SLC13A1: variants seen among roughly 807,000 people sequenced by gnomAD.
The protein encoded by SLC13A1 is Na(+)/sulfate cotransporter.
In SLC13A1, 65 loss-of-function variants were observed where a neutral mutation model predicts 70.0. That is an observed-to-expected ratio of 0.93 (90% CI 0.76 to 1.14). SLC13A1 has a LOEUF of 1.14. Among genes scored for constraint, SLC13A1 ranks in the 50% most tolerant of loss-of-function variants. The pLI, the probability that SLC13A1 is intolerant of heterozygous loss-of-function variation, is 0.00. For missense variants in SLC13A1, 726 were observed against 717.8 expected (o/e 1.01, Z -0.13); for synonymous variants, 275 against 250.5 (o/e 1.10, Z -0.92).
chr7:123,167,921 GA>G (rs1450262486), intron 6 of SLC13A1, among the ~76,000 whole-genome samples: 2 of 151,902 alleles, frequency 1.3e-5, no homozygotes, highest in Non-Finnish European at 2.9e-5. Context: ...AGAGAAGGAT[GA>G]AAAAAACCTA....
intron 8 of SLC13A1, among the ~76,000 whole-genome samples, chr7:123,132,254 A>C (rs1793789218): frequency 6.6e-6 from 1 of 152,198 alleles, no homozygotes; most frequent in Admixed American, 6.5e-5. Flanking sequence ...AAACCATGGC[A>C]GTTCTGGAGA....
chr7:123,129,497 A>C lies in SLC13A1; in HGVS notation c.933-16T>G. ...CTCCTTAAAACTGCAAAGAATAATT[A>C]AGCCTGTAAGCAAGAAATTCTTTTA... On this transcript the variant is annotated splice_polypyrimidine_tract_variant and intron_variant, in intron 8 of 14. Transcript: ENST00000194130. The C allele has an allele frequency of 6.3e-7, 1 of 1,596,614 alleles. No individual in the cohort carries two copies. The highest frequency in any genetic ancestry group is 8.6e-7 in the Non-Finnish European group (1 of 1,164,588).
intron 7 of SLC13A1, among the ~76,000 whole-genome samples, chr7:123,140,212 GT>G (rs557580167): frequency 9.1e-4 from 139 of 152,018 alleles, no homozygotes; most frequent in African/African-American, 3.2e-3. Context: ...CCTTCCTTTT[GT>G]TGTTATGATG....
chr7:123,132,800 A>G (rs557579166), intron 8 of SLC13A1, among the ~76,000 whole-genome samples: 3 of 152,324 alleles, frequency 2.0e-5, no homozygotes, highest in Admixed American at 1.3e-4. Context: ...AAGATTTGAT[A>G]TACAGCGACT....
chr7:123,128,899 A>G lies in SLC13A1; in HGVS notation c.1079T>C (p.Leu360Pro). Residue 360 changes from leucine (L) to proline (P), a missense_variant, in exon 10 of 15, where the codon CTA (leucine) becomes CCA (proline). Transcript: ENST00000194130. ...AAATCCGGGGTCTCGACTAAACCATAGCAGAGCCATTATAATGAAGAGGAC... is the reference window on the plus strand; with the variant it reads ...AAATCCGGGGTCTCGACTAAACCATGGCAGAGCCATTATAATGAAGAGGAC... ...TLVLFIIMAL[L>P]WFSRDPGFVP... is the part of the protein sequence containing the mutation. The G allele has an allele frequency of 6.2e-7, 1 of 1,613,658 alleles. No homozygotes were observed. Among genetic ancestry groups the G allele is most frequent in the Non-Finnish European group, 8.5e-7 (1 of 1,179,760 alleles).
intron 3 of SLC13A1, among the ~76,000 whole-genome samples, chr7:123,170,106 G>GA (rs1013047477): frequency 2.6e-5 from 4 of 151,900 alleles, no homozygotes; most frequent in East Asian, 1.9e-4. Flanking sequence ...CACACTTGGG[G>GA]AAAAAAATGA....
intron 1 of SLC13A1, among the ~76,000 whole-genome samples, chr7:123,187,131 A>C (rs1795826853): frequency 6.6e-6 from 1 of 152,072 alleles, no homozygotes; most frequent in Non-Finnish European, 1.5e-5. Context: ...ACCAGGTGAA[A>C]TTCCATTAGA....
intron 11 of SLC13A1, among the ~76,000 whole-genome samples, chr7:123,123,516 A>T (rs1793458916): frequency 1.3e-5 from 2 of 152,172 alleles, no homozygotes; most frequent in Non-Finnish European, 2.9e-5. Flanking sequence ...GTACTCATTC[A>T]TTCACTCACT....
chr7:123,134,440 A>G lies in SLC13A1; in HGVS notation c.902T>C (p.Ile301Thr). 6.2e-7 allele frequency: 1 copy of G among 1,613,462 alleles called. No homozygotes were observed. The highest frequency in any genetic ancestry group is 8.5e-7 in the Non-Finnish European group (1 of 1,179,544). ...AALIILLLSW[I>T]WLQWLFLGFN... is the part of the protein sequence containing the mutation. ...TCCTAGGAAAAGCCACTGAAGCCAG[A>G]TCCAGGATAAGAGTAGAATGATAAG... The change falls in exon 8 of 15, where the codon ATC (isoleucine) becomes ACC (threonine). Residue 301 changes from isoleucine (I) to threonine (T), a missense_variant. By Grantham distance (89) the Ile-to-Thr change is moderately conservative. Coordinates refer to ENST00000194130, the MANE Select transcript of SLC13A1 (RefSeq NM_022444.4).
At chr7:123,116,034 A>G (rs1194844249) in intron 14 of SLC13A1, among the ~76,000 whole-genome samples, 1 of 152,204 alleles carries the variant, frequency 6.6e-6, no homozygotes, top group Non-Finnish European at 1.5e-5. Context: ...GAAATCTGCC[A>G]TTTCATGTTA....
chr7:123,181,802 C>G (rs1795651110), intron 1 of SLC13A1, among the ~76,000 whole-genome samples: 1 of 152,162 alleles, frequency 6.6e-6, no homozygotes. Context: ...CTGGAACGTT[C>G]TAAGTCTTTA....
chr7:123,193,476 TG>T (rs1796066954), intron 1 of SLC13A1, among the ~76,000 whole-genome samples: 1 of 152,202 alleles, frequency 6.6e-6, no homozygotes, highest in Non-Finnish European at 1.5e-5. Context: ...TTGTCCATCA[TG>T]GGTAGAGGTT....
chr7:123,167,781 G>A (rs1309938803), intron 6 of SLC13A1, among the ~76,000 whole-genome samples: 2 of 151,762 alleles, frequency 1.3e-5, no homozygotes, highest in African/African-American at 4.8e-5. Flanking sequence ...TTTTTTTAGT[G>A]GCAATGGAAG....
At position 123,166,563 on chromosome 7, in the gene SLC13A1, G is replaced by A. The variant is rs532518148; in HGVS notation, c.660+1811C>T. On this transcript the variant is annotated intron_variant, in intron 6 of 14. Transcript: ENST00000194130. ...TCCCCCCTTCCCCCACCACACAACAGGCCCCAGTGTGTGACGTTCCCCTTC... is the reference window on the plus strand; with the variant it reads ...TCCCCCCTTCCCCCACCACACAACAAGCCCCAGTGTGTGACGTTCCCCTTC... Among the ~76,000 whole-genome samples the A allele has an allele frequency of 8.5e-5, 13 of 152,094 alleles. No individual in the cohort carries two copies. The East Asian group carries it at 2.3e-3, about 27-fold the overall frequency.
intron 1 of SLC13A1, among the ~76,000 whole-genome samples, chr7:123,189,299 A>C (rs1795923136): frequency 6.6e-6 from 1 of 151,894 alleles, no homozygotes; most frequent in Non-Finnish European, 1.5e-5. Context: ...ATTTTTGCCT[A>C]GTAATTCATG....
chr7:123,179,225 T>C (rs1795555909), intron 2 of SLC13A1, among the ~76,000 whole-genome samples: 1 of 152,134 alleles, frequency 6.6e-6, no homozygotes, highest in Non-Finnish European at 1.5e-5. Flanking sequence ...TAGAAATAAG[T>C]TTAATGAGTC....
Position 123,113,677 on chromosome 7 carries a change from G to C in SLC13A1, c.*1841C>G, listed in dbSNP as rs868701179. 5.3e-5 allele frequency: 8 copies of C among 152,144 alleles called. No individual in the cohort carries two copies. The highest frequency in any genetic ancestry group is 1.0e-4 in the Non-Finnish European group (7 of 67,996). The allele number at this position is 152,144 out of a possible 1,614,324, so 9.4% of individuals were successfully genotyped here. A position where few individuals can be genotyped will look rare whatever the true frequency, so the allele number is the denominator to read the frequency against. ...ATAAATACATGTGTAAAATATGGTA[G>C]GGAAAGGAACAAATGAATAGAATAA... On this transcript the variant is annotated 3_prime_UTR_variant, in exon 15 of 15. Transcript: ENST00000194130.
At chr7:123,143,899 G>A (rs1281882485) in intron 7 of SLC13A1, among the ~76,000 whole-genome samples, 7 of 152,128 alleles carry the variant, frequency 4.6e-5, no homozygotes, top group Admixed American at 4.6e-4. Flanking sequence ...CCATTTGTAA[G>A]GTAGCAGTAG....
intron 13 of SLC13A1, among the ~76,000 whole-genome samples, chr7:123,118,022 A>T (rs1459528259): frequency 6.6e-6 from 1 of 151,740 alleles, no homozygotes; most frequent in East Asian, 1.9e-4. Context: ...TTTTACAATG[A>T]TCTTATGAGA....
Sources: gnomAD v4.1 joint callset for allele counts (sites outside exome capture counted in the v4.1 genomes callset) on GRCh38, gnomAD v4.1.1 for gene constraint, MANE v1.5 for transcripts, NCBI Gene and HGNC (gene_info 2026-07-23, HGNC 2026-07-21) for gene names.